The following LY96 variants were observed in gnomAD, a reference collection of about 807,000 sequenced individuals.
LY96 encodes the protein myeloid differentiation protein-2.
Under a neutral mutation model 18.9 loss-of-function variants are expected in LY96, and 18 were observed. The ratio of observed to expected loss-of-function variants is 0.95; its 90% confidence interval spans 0.66 to 1.41. LY96 has a LOEUF of 1.41. LY96 is among the 40% of genes most tolerant of loss of function. LY96 has a pLI of 0.00. For synonymous variants in LY96, 66 were observed against 62.6 expected, an observed-to-expected ratio of 1.06 and a Z score of -0.26; for missense variants, 175 against 182.4, an observed-to-expected ratio of 0.96 and a Z score of 0.23.
chr8:74,090,795 G>A, the LY96 span, among the ~76,000 whole-genome samples: 4 of 152,138 alleles, frequency 2.6e-5, no homozygotes, highest in Non-Finnish European at 5.9e-5. Context: ...CAATTTGGTA[G>A]GACTCTCTTG....
chr8:74,065,527 T>C, the LY96 span, among the ~76,000 whole-genome samples: 2 of 152,120 alleles, frequency 1.3e-5, no homozygotes, highest in African/African-American at 4.8e-5. Context: ...CAAACATGAG[T>C]AGTTGTTGAA....
chr8:74,003,210 C>T (rs574592016), intron 1 of LY96, among the ~76,000 whole-genome samples: 13 of 150,752 alleles, frequency 8.6e-5, no homozygotes, highest in East Asian at 1.9e-4. Context: ...ATCAGGAGGA[C>T]GAGAGAGACC....
At chr8:74,015,335 C>T (rs911272755) in intron 3 of LY96, among the ~76,000 whole-genome samples, 2 of 152,204 alleles carry the variant, frequency 1.3e-5, no homozygotes, top group Non-Finnish European at 2.9e-5. Context: ...GTCCAGAAGT[C>T]TGAAACCAAG....
At chr8:74,029,852 G>T (rs186599135), downstream of LY96, among the ~76,000 whole-genome samples, 18 of 152,200 alleles carry the variant, frequency 1.2e-4, no homozygotes, top group East Asian at 3.5e-3. Context: ...TGGAGATGGG[G>T]TTTCACCATA....
At chr8:74,002,066 CCTTCCTTCCTTTCTTTCTTTCTTT>C (rs1816299113) in intron 1 of LY96, among the ~76,000 whole-genome samples, 1 of 22,526 alleles carries the variant, frequency 4.4e-5, no homozygotes, top group African/African-American at 2.1e-4. Context: ...TTCCTTCCTT[CCTTCCTTCCTTTCTTTCTTTCTTT>C]CTTTCTCTCT....
chr8:73,994,623 A>G (rs1480732455), intron 1 of LY96, among the ~76,000 whole-genome samples: 1 of 152,130 alleles, frequency 6.6e-6, no homozygotes, highest in African/African-American at 2.4e-5. Context: ...AGTAGCTGGG[A>G]CTACAGGCGT....
chr8:74,044,406 G>A, the LY96 span, among the ~76,000 whole-genome samples: 1 of 152,058 alleles, frequency 6.6e-6, no homozygotes, highest in African/African-American at 2.4e-5. Context: ...TCCCAGGCTG[G>A]TCTCAAATTC....
the LY96 span, among the ~76,000 whole-genome samples, chr8:74,073,030 C>T: frequency 2.3e-4 from 35 of 152,166 alleles, no homozygotes; most frequent in African/African-American, 8.4e-4. Flanking sequence ...GTCCATGATG[C>T]AGGTAGTCAG....
chr8:74,031,942 G>A (rs1345671203), downstream of LY96, among the ~76,000 whole-genome samples: 1 of 151,880 alleles, frequency 6.6e-6, no homozygotes, highest in African/African-American at 2.4e-5. Flanking sequence ...TGGCCAAGAC[G>A]GTGAAACCCT....
At chr8:74,078,110 TAAAAA>T in the LY96 span, among the ~76,000 whole-genome samples, 1 of 122,176 alleles carries the variant, frequency 8.2e-6, no homozygotes, top group Non-Finnish European at 1.9e-5. Flanking sequence ...CCTGTCTCAA[TAAAAA>T]AAAAAAAAAA....
chr8:74,068,881 C>T, the LY96 span, among the ~76,000 whole-genome samples: 14 of 149,990 alleles, frequency 9.3e-5, no homozygotes, highest in African/African-American at 1.5e-4. Flanking sequence ...ACGCATCCTC[C>T]GCCTCCGGGT....
chr8:74,089,227 G>T, the LY96 span, among the ~76,000 whole-genome samples: 1 of 152,138 alleles, frequency 6.6e-6, no homozygotes, highest in Non-Finnish European at 1.5e-5. Flanking sequence ...TTTATCTTTC[G>T]ATGGATTTTT....
At chr8:74,043,055 A>T in the LY96 span, among the ~76,000 whole-genome samples, 2 of 152,144 alleles carry the variant, frequency 1.3e-5, no homozygotes, top group Non-Finnish European at 2.9e-5. Context: ...GATTACAGGC[A>T]TGAGCCACCA....
At chr8:74,024,712 C>A (rs539274735) in intron 3 of LY96, among the ~76,000 whole-genome samples, 1 of 152,310 alleles carries the variant, frequency 6.6e-6, no homozygotes, top group African/African-American at 2.4e-5. Context: ...ATCACTCTTA[C>A]AAAGATGTTA....
chr8:74,031,402 C>A (rs555057521), downstream of LY96, among the ~76,000 whole-genome samples: 1 of 152,002 alleles, frequency 6.6e-6, no homozygotes, highest in East Asian at 1.9e-4. Flanking sequence ...CCAAAGCGGG[C>A]GCATCACAAG....
At chr8:74,091,616 A>G in the LY96 span, among the ~76,000 whole-genome samples, 1 of 152,128 alleles carries the variant, frequency 6.6e-6, no homozygotes, top group Non-Finnish European at 1.5e-5. Context: ...CTGCTAGCGG[A>G]CCTGTAAAAT....
chr8:74,069,802 A>G, the LY96 span, among the ~76,000 whole-genome samples: 1 of 152,098 alleles, frequency 6.6e-6, no homozygotes, highest in South Asian at 2.1e-4. Context: ...GGGTTTCACC[A>G]TGTTGGCCAG....
the LY96 span, among the ~76,000 whole-genome samples, chr8:74,070,899 T>C: frequency 6.6e-6 from 1 of 152,226 alleles, no homozygotes; most frequent in South Asian, 2.1e-4. Context: ...GCAGAAATGT[T>C]CTGGGTACCT....
At chr8:74,097,071 A>G in the LY96 span, among the ~76,000 whole-genome samples, 1 of 152,172 alleles carries the variant, frequency 6.6e-6, no homozygotes, top group Non-Finnish European at 1.5e-5. Context: ...GCTTAACATT[A>G]TATCATGAGC....
Sources: gnomAD v4.1 joint callset for allele counts (sites outside exome capture counted in the v4.1 genomes callset) on GRCh38, gnomAD v4.1.1 for gene constraint, MANE v1.5 for transcripts, NCBI Gene and HGNC (gene_info 2026-07-23, HGNC 2026-07-21) for gene names.